The following ACYP2 variants were observed in gnomAD, a reference collection of about 807,000 sequenced individuals.
ACYP2 encodes acylphosphatase-2.
A neutral mutation model predicts 11.2 loss-of-function variants in ACYP2; 12 were observed. The observed-to-expected ratio is 1.08, with a 90% CI of 0.69 to 1.74. The LOEUF is 1.74. Ranked by LOEUF, ACYP2 falls within the 40% of genes most tolerant of loss-of-function variation. The pLI is 0.00. For synonymous variants in ACYP2, 43 were observed against 32.2 expected (o/e 1.33, Z -1.13); for missense variants, 134 against 101.9 (o/e 1.31, Z -1.35).
chr2:54,052,213 C>T (rs914188536), intron 3 of ACYP2, among the ~76,000 whole-genome samples: 2 of 152,148 alleles, frequency 1.3e-5, no homozygotes, highest in Admixed American at 6.5e-5. Context: ...GCCCCTTGTA[C>T]ACAACTCATT....
chr2:54,245,775 G>A (rs772172035), intron 6 of ACYP2, among the ~76,000 whole-genome samples: 23 of 151,378 alleles, frequency 1.5e-4, no homozygotes, highest in Non-Finnish European at 3.1e-4. Context: ...ATCCCCTAGT[G>A]GATGAATAGT....
chr2:54,157,208 G>T (rs1224678597), intron 6 of ACYP2, among the ~76,000 whole-genome samples: 2 of 151,946 alleles, frequency 1.3e-5, no homozygotes, highest in African/African-American at 4.8e-5. Flanking sequence ...CATGTAACAT[G>T]TATATATATT....
chr2:54,128,094 A>G (rs1018892402), intron 4 of ACYP2, among the ~76,000 whole-genome samples: 1 of 152,244 alleles, frequency 6.6e-6, no homozygotes, highest in Non-Finnish European at 1.5e-5. Flanking sequence ...AAATGAGTGG[A>G]TAAGTTCTAG....
At chr2:53,985,492 A>G (rs1185465006) in intron 2 of ACYP2, among the ~76,000 whole-genome samples, 1 of 152,160 alleles carries the variant, frequency 6.6e-6, no homozygotes, top group Non-Finnish European at 1.5e-5. Context: ...GTGTGTACGT[A>G]TATACATATA....
At chr2:54,164,868 A>C (rs1332623679) in intron 6 of ACYP2, among the ~76,000 whole-genome samples, 2 of 151,112 alleles carry the variant, frequency 1.3e-5, no homozygotes, top group African/African-American at 2.4e-5. Context: ...CTTGCCCCTC[A>C]CCCCCGTGAC....
chr2:54,248,077 G>A (rs1241254893), intron 6 of ACYP2, among the ~76,000 whole-genome samples: 2 of 152,156 alleles, frequency 1.3e-5, no homozygotes, highest in Admixed American at 6.5e-5. Context: ...TTAACTTAAA[G>A]AATAAATGTT....
intron 4 of ACYP2, among the ~76,000 whole-genome samples, chr2:54,111,803 G>C (rs7558563): frequency 6.6e-6 from 1 of 152,116 alleles, no homozygotes; most frequent in African/African-American, 2.4e-5. Flanking sequence ...GAAATATGCC[G>C]ATGGATAAAG....
intron 6 of ACYP2, among the ~76,000 whole-genome samples, chr2:54,235,683 TATTA>T (rs761810835): frequency 2.0e-5 from 3 of 152,200 alleles, no homozygotes; most frequent in African/African-American, 4.8e-5. Context: ...AGCTTTAAGT[TATTA>T]ATTCAATTTT....
chr2:54,299,744 C>T (rs1448930383), intron 6 of ACYP2, among the ~76,000 whole-genome samples: 3 of 152,108 alleles, frequency 2.0e-5, no homozygotes, highest in African/African-American at 7.2e-5. Flanking sequence ...GTTAAATCTG[C>T]CCTCTGAAAT....
intron 6 of ACYP2, among the ~76,000 whole-genome samples, chr2:54,166,029 A>C (rs1254280466): frequency 6.6e-6 from 1 of 152,176 alleles, no homozygotes; most frequent in East Asian, 1.9e-4. Context: ...TTTTACATTC[A>C]GTTTAAACAA....
chr2:53,998,856 A>ACTG (rs1186506825), intron 2 of ACYP2, among the ~76,000 whole-genome samples: 10 of 152,106 alleles, frequency 6.6e-5, no homozygotes, highest in African/African-American at 2.2e-4. Flanking sequence ...TCAAGTAGAG[A>ACTG]CTGCTGCCCT....
chr2:54,209,969 C>T (rs1233709760), intron 6 of ACYP2, among the ~76,000 whole-genome samples: 8 of 151,830 alleles, frequency 5.3e-5, no homozygotes, highest in East Asian at 1.9e-4. Flanking sequence ...GGCGAAACCC[C>T]GTCTCTACTA....
At chr2:54,203,101 T>C (rs1431120039) in intron 6 of ACYP2, among the ~76,000 whole-genome samples, 1 of 152,172 alleles carries the variant, frequency 6.6e-6, no homozygotes, top group Non-Finnish European at 1.5e-5. Flanking sequence ...CTTCATAAGC[T>C]TGGGATTGTC....
intron 6 of ACYP2, among the ~76,000 whole-genome samples, chr2:54,276,255 A>G (rs1303572163): frequency 1.3e-5 from 2 of 152,146 alleles, no homozygotes; most frequent in Admixed American, 6.5e-5. Context: ...TCCCAATAGC[A>G]TATTTTAGTT....
intron 6 of ACYP2, among the ~76,000 whole-genome samples, chr2:54,284,022 A>T (rs1688964450): frequency 6.6e-6 from 1 of 152,184 alleles, no homozygotes. Context: ...GAGGCAGGAG[A>T]ATCACTTGAA....
intron 6 of ACYP2, among the ~76,000 whole-genome samples, chr2:54,174,618 T>A (rs953608325): frequency 2.6e-5 from 4 of 152,190 alleles, no homozygotes; most frequent in Admixed American, 1.3e-4. Flanking sequence ...TCAAAGGGAA[T>A]GCTTCCAGTT....
At chr2:53,984,948 C>G (rs1271930153) in intron 2 of ACYP2, among the ~76,000 whole-genome samples, 3 of 151,738 alleles carry the variant, frequency 2.0e-5, no homozygotes, top group African/African-American at 7.3e-5. Context: ...CTTTGGAAGC[C>G]AACACATTAA....
chr2:54,034,085 C>G (rs1268696685), intron 2 of ACYP2, among the ~76,000 whole-genome samples: 1 of 151,844 alleles, frequency 6.6e-6, no homozygotes, highest in African/African-American at 2.4e-5. Context: ...GCCAGAAAGC[C>G]CAAAATAAAA....
At chr2:53,998,029 C>T (rs574879909) in intron 2 of ACYP2, among the ~76,000 whole-genome samples, 9 of 152,172 alleles carry the variant, frequency 5.9e-5, no homozygotes, top group South Asian at 4.2e-4. Context: ...CTTGTATACA[C>T]GTGTATTTGC....
Sources: gnomAD v4.1 joint callset for allele counts (sites outside exome capture counted in the v4.1 genomes callset) on GRCh38, gnomAD v4.1.1 for gene constraint, MANE v1.5 for transcripts, NCBI Gene and HGNC (gene_info 2026-07-23, HGNC 2026-07-21) for gene names.